The following NSUN4 variants were observed in gnomAD, a reference collection of about 807,000 sequenced individuals.
NSUN4 encodes 5-cytosine rRNA methyltransferase NSUN4.
Under a neutral mutation model 43.8 loss-of-function variants are expected in NSUN4, and 31 were observed. The observed-to-expected ratio is 0.71, with a 90% confidence interval of 0.53 to 0.96. NSUN4 has a LOEUF of 0.96. NSUN4 is among the 40% of genes least tolerant of loss of function. The pLI, the probability that NSUN4 is intolerant of heterozygous loss-of-function variation, is 0.00. For synonymous variants in NSUN4, 167 were observed against 184.1 expected (o/e 0.91, Z 0.75); for missense variants, 439 against 475.6 (o/e 0.92, Z 0.72).
At chr1:46,349,664 G>A (rs987311894) in intron 3 of NSUN4, among the ~76,000 whole-genome samples, 5 of 152,178 alleles carry the variant, frequency 3.3e-5, no homozygotes, top group African/African-American at 1.2e-4. Context: ...TCAGCATCCA[G>A]CCTTATGATA....
intron 2 of NSUN4, among the ~76,000 whole-genome samples, chr1:46,345,749 G>C (rs1014683323): frequency 1.3e-5 from 2 of 152,230 alleles, no homozygotes; most frequent in South Asian, 4.1e-4. Context: ...GAAGTTGAAT[G>C]AGAAAAGACT....
the NSUN4 span, among the ~76,000 whole-genome samples, chr1:46,370,352 G>A: frequency 6.6e-5 from 10 of 152,206 alleles, no homozygotes; most frequent in East Asian, 1.9e-3. Context: ...CTGAATTATC[G>A]CTCACAACCA....
downstream of NSUN4, among the ~76,000 whole-genome samples, chr1:46,368,832 C>T (rs994553203): frequency 1.3e-5 from 2 of 152,078 alleles, no homozygotes; most frequent in African/African-American, 2.4e-5. Context: ...GCAGGAGGGT[C>T]GCTTGAAGCC....
At chr1:46,376,956 C>T in the NSUN4 span, among the ~76,000 whole-genome samples, 1 of 152,090 alleles carries the variant, frequency 6.6e-6, no homozygotes, top group Non-Finnish European at 1.5e-5. Flanking sequence ...AGGGGTTTCA[C>T]CATGTTGGCT....
the NSUN4 span, among the ~76,000 whole-genome samples, chr1:46,377,549 T>C: frequency 5.3e-5 from 8 of 152,158 alleles, no homozygotes; most frequent in Admixed American, 5.2e-4. Context: ...CCACATCAAC[T>C]TGGATAGAAG....
chr1:46,341,276 C>T (rs1235212225), intron 1 of NSUN4: 22 of 928,962 alleles, frequency 2.4e-5, no homozygotes, highest in Non-Finnish European at 2.7e-5. Flanking sequence ...CTTTCCCTTG[C>T]CCATTCTTCC....
intron 1 of NSUN4, chr1:46,343,348 T>C (rs1261108030): frequency 2.5e-6 from 1 of 399,890 alleles, no homozygotes; most frequent in Non-Finnish European, 4.4e-6. Flanking sequence ...GTCCCCCGAG[T>C]CCGGGCCTAC....
chr1:46,357,289 C>T (rs10157464), intron 4 of NSUN4, among the ~76,000 whole-genome samples: 34,099 of 152,146 alleles, frequency 0.22, 4,287 homozygotes, highest in Non-Finnish European at 0.29. Flanking sequence ...AAGCAATTCT[C>T]CCGCCTCATC....
intron 3 of NSUN4, among the ~76,000 whole-genome samples, chr1:46,351,399 C>T (rs1662967775): frequency 6.6e-6 from 1 of 152,104 alleles, no homozygotes; most frequent in Non-Finnish European, 1.5e-5. Flanking sequence ...GCAATTTTCC[C>T]CTTCCAAAAA....
intron 3 of NSUN4, among the ~76,000 whole-genome samples, chr1:46,350,420 T>C (rs1318400437): frequency 6.6e-6 from 1 of 152,212 alleles, no homozygotes; most frequent in African/African-American, 2.4e-5. Context: ...TGGTTCATAG[T>C]AGTGACCACT....
intron 1 of NSUN4, chr1:46,343,512 A>T: frequency 2.5e-6 from 1 of 399,782 alleles, no homozygotes. Context: ...TATTATTAGC[A>T]AATGCCAGAG....
chr1:46,373,810 C>A, the NSUN4 span, among the ~76,000 whole-genome samples: 2 of 151,950 alleles, frequency 1.3e-5, no homozygotes, highest in East Asian at 3.9e-4. Context: ...GATAAAGTTT[C>A]AACATGAGTT....
At chr1:46,361,202 G>T in intron 5 of NSUN4, among the ~76,000 whole-genome samples, 1 of 152,152 alleles carries the variant, frequency 6.6e-6, no homozygotes, top group Non-Finnish European at 1.5e-5. Context: ...ATATATACTA[G>T]AGTGGGCTGC....
rs747095950 is a variant in NSUN4, at chr1:46,361,600, C to A, written c.909C>A (p.Gly303=). The A allele has an allele frequency of 6.2e-7, 1 of 1,614,162 alleles. No homozygotes were observed. Among genetic ancestry groups the A allele is most frequent in the Admixed American group, 1.7e-5 (1 of 60,022 alleles). The part of the protein sequence containing the change: ...AAGLLATKPG[G]HVVYSTCSLS... ...GACTCCTTGCCACCAAACCAGGAGGCCATGTTGTCTATTCTACCTGCTCAC... is the reference window on the plus strand; with the variant it reads ...GACTCCTTGCCACCAAACCAGGAGGACATGTTGTCTATTCTACCTGCTCAC... The change falls in exon 6 of 6, where the codon GGC becomes GGA. Residue 303 remains glycine (G), a synonymous_variant. Coordinates refer to ENST00000474844, the MANE Select transcript of NSUN4 (RefSeq NM_199044.4).
chr1:46,352,703 C>A (rs115345162), intron 3 of NSUN4, among the ~76,000 whole-genome samples, 165 bp from the exon 4 acceptor site: 1 of 152,042 alleles, frequency 6.6e-6, no homozygotes, highest in East Asian at 1.9e-4. Context: ...GCCATTGTAC[C>A]CCCACTCAGA....
In NSUN4 at chr1:46,352,983, G is replaced by T; in HGVS notation, c.708G>T (p.Trp236Cys). 1 of 1,614,160 alleles carries T rather than the reference G, an allele frequency of 6.2e-7. No homozygotes were observed. The highest frequency in any genetic ancestry group is 8.5e-7 in the Non-Finnish European group (1 of 1,180,004). ...GAAATCAAGTTCGAGTTACCTCATGGGATGGCAGGAAATGGGGAGAACTGG... is the reference window on the plus strand; with the variant it reads ...GAAATCAAGTTCGAGTTACCTCATGTGATGGCAGGAAATGGGGAGAACTGG... The part of the protein sequence containing the change: ...RDGNQVRVTS[W>C]DGRKWGELEG... The change falls in exon 4 of 6, where the codon TGG becomes TGT. Residue 236 changes from tryptophan to cysteine, a missense_variant. Trp to Cys is a radical substitution (Grantham distance 215). Transcript: ENST00000474844.
chr1:46,378,539 G>A, the NSUN4 span, among the ~76,000 whole-genome samples: 1 of 152,182 alleles, frequency 6.6e-6, no homozygotes, highest in Non-Finnish European at 1.5e-5. Flanking sequence ...ATTCACAGTT[G>A]GGCCCTCCAC....
Position 46,360,777 on chromosome 1 carries a change from C to A in NSUN4, c.827C>A (p.Ser276Ter). 6.2e-7 allele frequency: 1 copy of A among 1,613,980 alleles called. No individual in the cohort carries two copies. The highest frequency in any genetic ancestry group is 1.1e-5 in the South Asian group (1 of 91,042). The change falls in exon 5 of 6, where the codon TCA (serine) becomes TAA (stop). Residue 276 changes from serine (S) to a stop codon, truncating the protein, a stop_gained. Transcript: ENST00000474844. LOFTEE classifies it high-confidence loss of function. ...GAGGAGAACAACATCTTTAAGCGGTCAAGGAAGAAGGAGCGACAGATATTG... is the reference window on the plus strand; with the variant it reads ...GAGGAGAACAACATCTTTAAGCGGTAAAGGAAGAAGGAGCGACAGATATTG... ...HEEENNIFKR[S>*]RKKERQILPV... is the part of the protein sequence containing the mutation.
downstream of NSUN4, among the ~76,000 whole-genome samples, chr1:46,368,486 A>G (rs986743431): frequency 2.6e-5 from 4 of 152,178 alleles, no homozygotes; most frequent in African/African-American, 9.6e-5. Flanking sequence ...GGCTCTGTGA[A>G]GAAGCCTGGA....
Sources: allele counts gnomAD v4.1 joint callset (sites outside exome capture counted in the v4.1 genomes callset), GRCh38; gene constraint gnomAD v4.1.1; transcripts MANE v1.5; gene names NCBI Gene and HGNC (gene_info 2026-07-23, HGNC 2026-07-21).